Variants in ENTREP2 observed in about 807,000 individuals in gnomAD.
ENTREP2 encodes the protein endosomal transmembrane epsin interactor 2, also known as protein ENTREP2.
the ENTREP2 span, among the ~76,000 whole-genome samples, chr15:29,624,874 TG>T: frequency 1.0e-5 from 1 of 96,794 alleles, no homozygotes; most frequent in Non-Finnish European, 2.0e-5. Context: ...CATTAATTTG[TG>T]TGTGTGTGTG....
the ENTREP2 span, among the ~76,000 whole-genome samples, chr15:29,312,649 T>G: frequency 6.6e-6 from 1 of 152,190 alleles, no homozygotes; most frequent in African/African-American, 2.4e-5. Flanking sequence ...TGGGGCTCCA[T>G]GAACTGTGCC....
At chr15:29,184,855 C>T in the ENTREP2 span, among the ~76,000 whole-genome samples, 1 of 152,028 alleles carries the variant, frequency 6.6e-6, no homozygotes, top group Non-Finnish European at 1.5e-5. Flanking sequence ...ATTTTTAAAG[C>T]ATTTGGTTAT....
At chr15:29,271,787 G>A in the ENTREP2 span, among the ~76,000 whole-genome samples, 5 of 152,134 alleles carry the variant, frequency 3.3e-5, no homozygotes, top group South Asian at 4.2e-4. Flanking sequence ...GTAGCTTGCC[G>A]ATGCTCCCAG....
the ENTREP2 span, among the ~76,000 whole-genome samples, chr15:29,149,449 C>T: frequency 2.0e-5 from 3 of 152,336 alleles, no homozygotes; most frequent in South Asian, 2.1e-4. Flanking sequence ...GCAGAAATGG[C>T]GCAGGGGTGA....
chr15:29,518,186 G>C, the ENTREP2 span, among the ~76,000 whole-genome samples: 1 of 152,088 alleles, frequency 6.6e-6, no homozygotes, highest in Non-Finnish European at 1.5e-5. Flanking sequence ...GGGTGAAAGA[G>C]TGAGACCTAG....
chr15:29,510,608 A>T, the ENTREP2 span, among the ~76,000 whole-genome samples: 1 of 151,960 alleles, frequency 6.6e-6, no homozygotes, highest in Non-Finnish European at 1.5e-5. Context: ...GATCGAGACC[A>T]TCCTGGCTAA....
the ENTREP2 span, among the ~76,000 whole-genome samples, chr15:29,304,639 C>T: frequency 6.6e-6 from 1 of 152,310 alleles, no homozygotes; most frequent in East Asian, 1.9e-4. Flanking sequence ...ATGACACTCT[C>T]TGCTTAACAC....
At chr15:29,352,109 A>AT in the ENTREP2 span, among the ~76,000 whole-genome samples, 1 of 151,260 alleles carries the variant, frequency 6.6e-6, no homozygotes, top group Non-Finnish European at 1.5e-5. Context: ...TAATTTTTAA[A>AT]TTTTTTGTAG....
At chr15:29,546,662 G>A in the ENTREP2 span, among the ~76,000 whole-genome samples, 153 of 152,078 alleles carry the variant, frequency 1.0e-3, no homozygotes, top group African/African-American at 2.6e-3. Context: ...CGAGGCAGGC[G>A]GATCATGAGG....
chr15:29,375,581 G>A, the ENTREP2 span: 1 of 152,186 alleles, frequency 6.6e-6, no homozygotes, highest in Non-Finnish European at 1.5e-5. Context: ...TCCATCCCCA[G>A]AGGATCCAGA....
the ENTREP2 span, among the ~76,000 whole-genome samples, chr15:29,207,494 G>A: frequency 1.3e-5 from 2 of 151,340 alleles, no homozygotes; most frequent in East Asian, 1.9e-4. Flanking sequence ...ATTTGTCCCC[G>A]CCCATGTTCT....
the ENTREP2 span, among the ~76,000 whole-genome samples, chr15:29,618,032 T>C: frequency 2.0e-5 from 3 of 152,216 alleles, no homozygotes; most frequent in Non-Finnish European, 2.9e-5. Context: ...TTCTGTTTCC[T>C]AATTTTCGTG....
the ENTREP2 span, among the ~76,000 whole-genome samples, chr15:29,353,512 T>C: frequency 6.6e-6 from 1 of 152,236 alleles, no homozygotes; most frequent in Non-Finnish European, 1.5e-5. Flanking sequence ...TGGGTGTGTG[T>C]ATGTTGCATG....
At chr15:29,183,155 A>C in the ENTREP2 span, among the ~76,000 whole-genome samples, 1 of 152,246 alleles carries the variant, frequency 6.6e-6, no homozygotes, top group Non-Finnish European at 1.5e-5. Flanking sequence ...AATGATGCCC[A>C]AAACAACTTT....
chr15:29,224,386 G>T, the ENTREP2 span, among the ~76,000 whole-genome samples: 1 of 152,146 alleles, frequency 6.6e-6, no homozygotes. Context: ...TTGTGGAAGG[G>T]AACTGCGCCG....
chr15:29,583,345 T>C, the ENTREP2 span, among the ~76,000 whole-genome samples: 3 of 152,310 alleles, frequency 2.0e-5, no homozygotes, highest in South Asian at 6.2e-4. Flanking sequence ...TGCAGCGACA[T>C]GGATGAAGCT....
the ENTREP2 span, among the ~76,000 whole-genome samples, chr15:29,411,378 G>C: frequency 6.6e-6 from 1 of 151,764 alleles, no homozygotes; most frequent in Non-Finnish European, 1.5e-5. Flanking sequence ...CTTCTTAATT[G>C]AGGCCAATCT....
the ENTREP2 span, among the ~76,000 whole-genome samples, chr15:29,174,692 C>CAA: frequency 1.6e-4 from 17 of 107,472 alleles, 1 homozygote; most frequent in African/African-American, 8.2e-4. Context: ...TCCAACTAAA[C>CAA]AAAACAAAAC....
the ENTREP2 span, among the ~76,000 whole-genome samples, chr15:29,160,871 A>ATCAG: frequency 7.2e-5 from 11 of 152,178 alleles, no homozygotes; most frequent in African/African-American, 2.7e-4. Flanking sequence ...GGAACCTATT[A>ATCAG]TCAGTCAAGA....
Sources: allele counts gnomAD v4.1 joint callset (sites outside exome capture counted in the v4.1 genomes callset), GRCh38; gene constraint gnomAD v4.1.1; transcripts MANE v1.5; gene names NCBI Gene and HGNC (gene_info 2026-07-23, HGNC 2026-07-21).